The following EXOC6B variants were observed in gnomAD, a reference collection of about 807,000 sequenced individuals.
The protein encoded by EXOC6B is SEC15 homolog B.
EXOC6B carries 54 observed loss-of-function variants against 113.5 expected under a neutral mutation model. The observed-to-expected ratio is 0.48, with a 90% confidence interval of 0.38 to 0.60. The LOEUF (loss-of-function observed/expected upper bound fraction) is 0.60, where lower values mean the gene tolerates loss of function less well. Ranked by LOEUF, EXOC6B falls within the 20% of genes least tolerant of loss-of-function variation. The pLI, the probability that EXOC6B is intolerant of heterozygous loss-of-function variation, is 0.00. For missense variants in EXOC6B, 797 were observed against 977.5 expected (o/e 0.82, Z 2.46); for synonymous variants, 357 against 339.0 (o/e 1.05, Z -0.58).
intron 18 of EXOC6B, among the ~76,000 whole-genome samples, chr2:72,405,496 C>A (rs995109339): frequency 6.6e-6 from 1 of 152,152 alleles, no homozygotes; most frequent in Non-Finnish European, 1.5e-5. Flanking sequence ...AGACTAGTTG[C>A]GGATCTCTTG....
chr2:72,416,349 G>T (rs1245264234), intron 18 of EXOC6B, among the ~76,000 whole-genome samples: 1 of 152,182 alleles, frequency 6.6e-6, no homozygotes, highest in East Asian at 1.9e-4. Flanking sequence ...CTCAGATCTT[G>T]TGATAACCCT....
intron 6 of EXOC6B, among the ~76,000 whole-genome samples, chr2:72,652,694 TTA>T (rs1253109980): frequency 5.4e-5 from 8 of 148,528 alleles, no homozygotes; most frequent in Non-Finnish European, 7.4e-5. Context: ...ATTGTATACA[TTA>T]TGAGATTTTT....
At chr2:72,470,471 T>G (rs140281712) in intron 17 of EXOC6B, among the ~76,000 whole-genome samples, 1 of 151,974 alleles carries the variant, frequency 6.6e-6, no homozygotes, top group Admixed American at 6.6e-5. Context: ...GCTCTAAGAG[T>G]TTTTTCTTTT....
At chr2:72,427,916 G>A (rs1695301048) in intron 18 of EXOC6B, among the ~76,000 whole-genome samples, 3 of 152,164 alleles carry the variant, frequency 2.0e-5, no homozygotes, top group Admixed American at 2.0e-4. Context: ...CTCAGCCATA[G>A]CTGGACAGAC....
At chr2:72,581,219 AG>A (rs1378826402) in intron 6 of EXOC6B, among the ~76,000 whole-genome samples, 1 of 152,248 alleles carries the variant, frequency 6.6e-6, no homozygotes, top group Non-Finnish European at 1.5e-5. Flanking sequence ...ACTGTAAAAA[AG>A]CTGTAGTTTC....
rs373128726 is a variant in EXOC6B at position 72,465,226 on chromosome 2, A to G, written c.1914T>C (p.Ala638=). ...DWMTGDLGNK[A]SDYLVDLIAF... is the part of the protein sequence containing the mutation. ...CAATGAGGTCTACCAGGTAATCACTAGCTTTGTTGCCCAAATCTCCGGTCA... is the reference window on the plus strand; with the variant it reads ...CAATGAGGTCTACCAGGTAATCACTGGCTTTGTTGCCCAAATCTCCGGTCA... Residue 638 remains alanine (A), a synonymous_variant, in exon 18 of 22, where the codon GCT becomes GCC. Coordinates refer to ENST00000272427, the MANE Select transcript of EXOC6B (RefSeq NM_015189.3). The G allele has an allele frequency of 8.6e-5, 138 of 1,611,716 alleles. No individual in the cohort carries two copies. The highest frequency in any genetic ancestry group is 1.1e-4 in the Non-Finnish European group (134 of 1,179,038).
intron 20 of EXOC6B, among the ~76,000 whole-genome samples, chr2:72,194,957 T>C (rs200144576): frequency 6.6e-6 from 1 of 152,284 alleles, no homozygotes; most frequent in Admixed American, 6.5e-5. Flanking sequence ...AGAGTGGCTG[T>C]GCAGCTCCCT....
chr2:72,729,330 TA>T (rs572707506), intron 5 of EXOC6B, among the ~76,000 whole-genome samples: 37 of 151,416 alleles, frequency 2.4e-4, no homozygotes, highest in Non-Finnish European at 4.1e-4. Flanking sequence ...ATATACTATA[TA>T]TTTTTTTTCT....
intron 20 of EXOC6B, among the ~76,000 whole-genome samples, chr2:72,286,160 T>C (rs557567903): frequency 6.8e-4 from 103 of 152,180 alleles, no homozygotes; most frequent in Non-Finnish European, 1.3e-3. Flanking sequence ...CCCAAAGGAA[T>C]TGAAAACTTA....
At chr2:72,637,241 A>C (rs1672907493) in intron 6 of EXOC6B, among the ~76,000 whole-genome samples, 1 of 152,208 alleles carries the variant, frequency 6.6e-6, no homozygotes, top group Non-Finnish European at 1.5e-5. Flanking sequence ...CAATTCCAAA[A>C]AACGCCAAAA....
chr2:72,442,133 A>C (rs2105333457), intron 18 of EXOC6B, among the ~76,000 whole-genome samples: 1 of 152,342 alleles, frequency 6.6e-6, no homozygotes, highest in African/African-American at 2.4e-5. Flanking sequence ...TCACATAAAC[A>C]GAACTAAAGA....
intron 6 of EXOC6B, among the ~76,000 whole-genome samples, chr2:72,657,684 A>G (rs1464012935): frequency 6.8e-6 from 1 of 146,202 alleles, no homozygotes; most frequent in Non-Finnish European, 1.5e-5. Context: ...TAGTACTGAC[A>G]AAAAGAAAAA....
chr2:72,387,151 TCACA>T (rs1176945608), intron 18 of EXOC6B, among the ~76,000 whole-genome samples: 2 of 152,184 alleles, frequency 1.3e-5, no homozygotes, highest in East Asian at 3.8e-4. Context: ...ATGGATACAC[TCACA>T]CACACAGTTA....
intron 8 of EXOC6B, among the ~76,000 whole-genome samples, chr2:72,518,483 G>GGT (rs138382972): frequency 0.05 from 7,218 of 143,386 alleles, 236 homozygotes; most frequent in South Asian, 0.097. Flanking sequence ...ATTAAAGTAG[G>GGT]GTGTGTGTGT....
At chr2:72,192,495 A>T (rs1678911308) in intron 20 of EXOC6B, among the ~76,000 whole-genome samples, 1 of 152,186 alleles carries the variant, frequency 6.6e-6, no homozygotes, top group Non-Finnish European at 1.5e-5. Context: ...AATGGAAGAC[A>T]CCTATGACTA....
At chr2:72,522,343 C>T (rs1701536571) in intron 8 of EXOC6B, among the ~76,000 whole-genome samples, 1 of 152,064 alleles carries the variant, frequency 6.6e-6, no homozygotes, top group Admixed American at 6.6e-5. Context: ...TTGCTGTTCC[C>T]GAAGTCTAAT....
intron 20 of EXOC6B, among the ~76,000 whole-genome samples, chr2:72,214,630 C>T (rs972499903): frequency 6.6e-6 from 1 of 152,138 alleles, no homozygotes; most frequent in African/African-American, 2.4e-5. Flanking sequence ...TTTGTGCTGC[C>T]CATACTTTCC....
intron 7 of EXOC6B, among the ~76,000 whole-genome samples, chr2:72,563,102 A>C (rs1392066795): frequency 6.6e-6 from 1 of 152,178 alleles, no homozygotes; most frequent in Non-Finnish European, 1.5e-5. Flanking sequence ...AGAGCATATT[A>C]TAATATTACA....
At chr2:72,534,332 C>G (rs539507367) in intron 8 of EXOC6B, among the ~76,000 whole-genome samples, 7 of 152,196 alleles carry the variant, frequency 4.6e-5, no homozygotes, top group Non-Finnish European at 7.4e-5. Context: ...ACTACATCCT[C>G]AGGGCGTGCC....
Sources: gnomAD v4.1 joint callset for allele counts (sites outside exome capture counted in the v4.1 genomes callset) on GRCh38, gnomAD v4.1.1 for gene constraint, MANE v1.5 for transcripts, NCBI Gene and HGNC (gene_info 2026-07-23, HGNC 2026-07-21) for gene names.